The following PARN variants were observed in gnomAD, a reference collection of about 807,000 sequenced individuals.
The protein encoded by PARN is poly(A)-specific ribonuclease, also known as poly(A)-specific ribonuclease PARN.
In PARN, 71 loss-of-function variants were observed where a neutral mutation model predicts 102.8. The observed-to-expected ratio is 0.69, with a 90% confidence interval of 0.57 to 0.84. The LOEUF is 0.84. PARN is among the 40% of genes least tolerant of loss of function. PARN has a pLI of 0.00. For missense variants in PARN, 782 were observed against 760.9 expected (o/e 1.03, Z -0.33); for synonymous variants, 261 against 252.9 (o/e 1.03, Z -0.30).
At chr16:14,575,365 C>T (rs987718017) in intron 18 of PARN, among the ~76,000 whole-genome samples, 1 of 152,218 alleles carries the variant, frequency 6.6e-6, no homozygotes. Flanking sequence ...TGCAAAGCCA[C>T]AGGAGCAGAG....
intron 22 of PARN, among the ~76,000 whole-genome samples, chr16:14,465,535 T>G (rs910845030): frequency 4.6e-5 from 7 of 152,220 alleles, no homozygotes; most frequent in Admixed American, 4.6e-4. Flanking sequence ...TGTAAGATTC[T>G]TATGCTATAT....
chr16:14,497,335 G>A (rs1964369693), intron 21 of PARN, among the ~76,000 whole-genome samples: 2 of 152,158 alleles, frequency 1.3e-5, no homozygotes, highest in South Asian at 2.1e-4. Flanking sequence ...ACAAAAGAAC[G>A]TTTAGGACAC....
Position 14,630,183 on chromosome 16 carries a change from T to C in PARN, c.-58A>G, listed in dbSNP as rs1972960635. 1.3e-6 allele frequency: 2 copies of C among 1,487,994 alleles called. No homozygotes were observed. The highest frequency in any genetic ancestry group is 1.2e-5 in the South Asian group (1 of 81,694). The allele number at this position is 1,487,994 out of a possible 1,614,324, so 92.2% of individuals were successfully genotyped here. A position where few individuals can be genotyped will look rare whatever the true frequency, so the allele number is the denominator to read the frequency against. On this transcript the variant is annotated 5_prime_UTR_variant, in exon 1 of 24. Transcript: ENST00000437198. ...GGGCCCGCGCCCGCCTCAGCGGTTC[T>C]ACTCGCCGAATTCCGCGGCGACTGC...
At chr16:14,619,619 G>C (rs1202850520) in intron 5 of PARN, among the ~76,000 whole-genome samples, 4 of 152,078 alleles carry the variant, frequency 2.6e-5, no homozygotes, top group East Asian at 1.9e-4. Context: ...AAATTAGCCA[G>C]GTGTGGTGGT....
intron 21 of PARN, among the ~76,000 whole-genome samples, chr16:14,517,806 G>A (rs1177906689): frequency 6.6e-6 from 1 of 152,120 alleles, no homozygotes; most frequent in Non-Finnish European, 1.5e-5. Flanking sequence ...GGCTTCCTGA[G>A]TAGCTGGGAT....
intron 13 of PARN, among the ~76,000 whole-genome samples, chr16:14,588,430 A>G (rs1367349394): frequency 1.3e-5 from 2 of 152,256 alleles, no homozygotes; most frequent in Non-Finnish European, 2.9e-5. Context: ...GCCATACATC[A>G]GAAGATTACA....
chr16:14,520,478 A>C (rs1213973072), intron 21 of PARN, among the ~76,000 whole-genome samples: 1 of 152,084 alleles, frequency 6.6e-6, no homozygotes, highest in Non-Finnish European at 1.5e-5. Context: ...CTGTAATCTC[A>C]GCACTTTGGG....
chr16:14,603,730 C>A (rs1452730953), intron 11 of PARN, among the ~76,000 whole-genome samples: 1 of 152,222 alleles, frequency 6.6e-6, no homozygotes, highest in African/African-American at 2.4e-5. Flanking sequence ...CTTCACACAG[C>A]AAGCAGGGTG....
chr16:14,605,872 T>G (rs1971145723), intron 10 of PARN, among the ~76,000 whole-genome samples: 3 of 152,216 alleles, frequency 2.0e-5, no homozygotes, highest in Admixed American at 2.0e-4. Flanking sequence ...CATGTACCAT[T>G]ATAGCTTTCT....
chr16:14,464,378 G>C (rs922425785), intron 22 of PARN, among the ~76,000 whole-genome samples: 3 of 152,172 alleles, frequency 2.0e-5, no homozygotes, highest in Non-Finnish European at 1.5e-5. Context: ...CAAGTGAGAA[G>C]AAAGTGGAGC....
At chr16:14,453,583 T>G (rs1961558466) in intron 22 of PARN, among the ~76,000 whole-genome samples, 1 of 152,238 alleles carries the variant, frequency 6.6e-6, no homozygotes, top group African/African-American at 2.4e-5. Context: ...AAAAGATTCC[T>G]CGTGTCACTC....
intron 6 of PARN, among the ~76,000 whole-genome samples, chr16:14,613,824 C>T (rs539435879): frequency 4.6e-5 from 7 of 152,040 alleles, no homozygotes; most frequent in South Asian, 2.1e-4. Context: ...GTATGATACA[C>T]GGAGAAGAAT....
intron 21 of PARN, among the ~76,000 whole-genome samples, chr16:14,538,977 C>A (rs1471208404): frequency 6.6e-6 from 1 of 152,174 alleles, no homozygotes; most frequent in African/African-American, 2.4e-5. Flanking sequence ...TCTCCCATCA[C>A]CCCCAGATGG....
intron 21 of PARN, 62 bp downstream of exon 21, chr16:14,551,959 G>T: frequency 9.9e-7 from 1 of 1,005,474 alleles, no homozygotes; most frequent in South Asian, 1.3e-5. Flanking sequence ...AAATTAAGGG[G>T]GCAGTGGGAG....
intron 11 of PARN, chr16:14,602,125 G>A (rs910287113): frequency 2.6e-5 from 4 of 151,492 alleles, no homozygotes; most frequent in African/African-American, 7.3e-5. Flanking sequence ...TAGAGATAGG[G>A]AAAAATTGCT....
intron 21 of PARN, among the ~76,000 whole-genome samples, chr16:14,499,195 G>C (rs1964463201): frequency 6.6e-6 from 1 of 152,206 alleles, no homozygotes; most frequent in Non-Finnish European, 1.5e-5. Context: ...GCTGACACCA[G>C]ACCTAAAGAC....
intron 18 of PARN, among the ~76,000 whole-genome samples, chr16:14,560,763 T>C (rs536698383): frequency 1.3e-5 from 2 of 152,372 alleles, no homozygotes; most frequent in South Asian, 4.1e-4. Context: ...CAGCATACGC[T>C]ACACAATACC....
At chr16:14,600,253 CT>C (rs1473246741) in intron 11 of PARN, among the ~76,000 whole-genome samples, 1 of 152,226 alleles carries the variant, frequency 6.6e-6, no homozygotes, top group East Asian at 1.9e-4. Context: ...ATTTCCAAGT[CT>C]TTCAAGGTGT....
At chr16:14,509,620 AC>A in intron 21 of PARN, among the ~76,000 whole-genome samples, 1 of 152,308 alleles carries the variant, frequency 6.6e-6, no homozygotes, top group Non-Finnish European at 1.5e-5. Flanking sequence ...TTCAAAGTCT[AC>A]CCACCAATAT....
Sources: gnomAD v4.1 joint callset for allele counts (sites outside exome capture counted in the v4.1 genomes callset) on GRCh38, gnomAD v4.1.1 for gene constraint, MANE v1.5 for transcripts, NCBI Gene and HGNC (gene_info 2026-07-23, HGNC 2026-07-21) for gene names.